ANKRD10: variants seen among roughly 807,000 people sequenced by gnomAD.
ANKRD10 encodes ankyrin repeat domain 10.
Under a neutral mutation model 27.0 loss-of-function variants are expected in ANKRD10, and 14 were observed. That is an observed-to-expected ratio of 0.52 (90% CI 0.34 to 0.81). The LOEUF (loss-of-function observed/expected upper bound fraction) is 0.81. ANKRD10 is among the 40% of genes least tolerant of loss of function. The probability of loss-of-function intolerance (pLI) is 0.01; values close to 1 mark genes in which losing one functional copy is unlikely to be tolerated. For missense variants in ANKRD10, 493 were observed against 544.0 expected (o/e 0.91, Z 0.93); for synonymous variants, 250 against 224.5 (o/e 1.11, Z -1.01).
At chr13:110,911,327 C>T (rs971225928) in intron 1 of ANKRD10, among the ~76,000 whole-genome samples, 6 of 152,052 alleles carry the variant, frequency 3.9e-5, no homozygotes, top group Admixed American at 2.0e-4. Flanking sequence ...TGGCGGGCAC[C>T]TGTAATCCCA....
intron 5 of ANKRD10, chr13:110,883,490 A>C (rs906545703): frequency 1.0e-5 from 13 of 1,297,914 alleles, no homozygotes; most frequent in African/African-American, 1.5e-5. Flanking sequence ...ATTTTTAAAA[A>C]GACACTGGAC....
chr13:110,910,564 T>C (rs2065667035), intron 2 of ANKRD10, 54 bp downstream of exon 2: 2 of 1,603,996 alleles, frequency 1.2e-6, no homozygotes, highest in Non-Finnish European at 1.7e-6. Flanking sequence ...TGTATAATTA[T>C]AACTGCAAAA....
At chr13:110,914,540 G>A in intron 1 of ANKRD10, 185 bp downstream of exon 1, 6 of 811,222 alleles carry the variant, frequency 7.4e-6, no homozygotes, top group Non-Finnish European at 9.8e-6. Flanking sequence ...CGGCTGCCCC[G>A]CCGCGACTCC....
At chr13:110,913,455 G>C (rs2065780566) in intron 1 of ANKRD10, among the ~76,000 whole-genome samples, 1 of 152,222 alleles carries the variant, frequency 6.6e-6, no homozygotes, top group African/African-American at 2.4e-5. Flanking sequence ...TTCAGAGACA[G>C]TGCCACAGGA....
chr13:110,887,563 C>T (rs966728162), intron 4 of ANKRD10, among the ~76,000 whole-genome samples: 1 of 152,200 alleles, frequency 6.6e-6, no homozygotes. Flanking sequence ...TCTATAAAGT[C>T]ATACTTTGGG....
In ANKRD10 at chr13:110,893,166, G is replaced by A; in HGVS notation, c.553C>T (p.Leu185=). ...ATGCCATTGTTATAGAAATGGTTCA[G>A]ATGACAATTCTGGAGGTTCAAGAGA... ...QFLLNLQNCH[L]NHFYNNGILN... The change falls in exon 4 of 6, where the codon CTG becomes TTG. Residue 185 remains leucine, a synonymous_variant. Transcript: ENST00000267339. 1 of 1,614,188 alleles carries A rather than the reference G, an allele frequency of 6.2e-7. No individual in the cohort carries two copies. Among genetic ancestry groups the A allele is most frequent in the Non-Finnish European group, 8.5e-7 (1 of 1,180,020 alleles).
intron 4 of ANKRD10, 42 bp from the exon 5 acceptor site, chr13:110,883,835 A>G: frequency 5.0e-6 from 8 of 1,606,952 alleles, no homozygotes; most frequent in Non-Finnish European, 6.8e-6. Context: ...CTTTGTCTGT[A>G]ACAAGATAAG....
intron 1 of ANKRD10, 83 bp downstream of exon 1, chr13:110,914,624 GCGATCCCGGCACGCCCCA>G (rs1308038641): frequency 3.0e-5 from 43 of 1,427,958 alleles, no homozygotes; most frequent in African/African-American, 1.5e-5. Context: ...CTTCCGCCCC[GCGATCCCGGCACGCCCCA>G]CGTCCCCCGC....
rs977224852 is a variant in ANKRD10 at position 110,910,787 on chromosome 13, G to A, written c.211-17C>T. The A allele has an allele frequency of 8.1e-6, 13 of 1,609,416 alleles. No individual in the cohort carries two copies. The highest frequency in any genetic ancestry group is 6.8e-5 in the Admixed American group (4 of 59,094). On this transcript the variant is annotated splice_polypyrimidine_tract_variant and intron_variant, in intron 1 of 5. Transcript: ENST00000267339. ...GCACTCCAACTTCGAAAACAAGAGG[G>A]GTAATGAAAACACGCAGACATGTCA...
intron 4 of ANKRD10, among the ~76,000 whole-genome samples, chr13:110,889,246 TCAGAG>T (rs548249668): frequency 8.7e-4 from 133 of 152,254 alleles, no homozygotes; most frequent in Non-Finnish European, 1.5e-3. Flanking sequence ...CATCATACCA[TCAGAG>T]CAAATGATTG....
intron 2 of ANKRD10, among the ~76,000 whole-genome samples, chr13:110,906,586 ACAT>A (rs981429139): frequency 6.6e-6 from 1 of 152,174 alleles, no homozygotes; most frequent in Non-Finnish European, 1.5e-5. Flanking sequence ...ACCCGAGTCA[ACAT>A]CATCAATGCC....
chr13:110,913,389 G>C (rs2065777968), intron 1 of ANKRD10, among the ~76,000 whole-genome samples: 1 of 152,192 alleles, frequency 6.6e-6, no homozygotes, highest in Admixed American at 6.5e-5. Flanking sequence ...TGTTTGTTAA[G>C]AAACTCATTT....
In ANKRD10 at chr13:110,906,026, C is replaced by T; in HGVS notation, c.455+7G>A. On this transcript the variant is annotated splice_region_variant and intron_variant, in intron 3 of 5. Transcript: ENST00000267339. ...TTAGCTGGAAAGAATAAACGAAAGACACTTACTCGACGTGAGCCCCATTCG... is the reference window on the plus strand; with the variant it reads ...TTAGCTGGAAAGAATAAACGAAAGATACTTACTCGACGTGAGCCCCATTCG... 1 of 1,585,904 alleles carries T rather than the reference C, an allele frequency of 6.3e-7. No homozygotes were observed. The highest frequency in any genetic ancestry group is 8.6e-7 in the Non-Finnish European group (1 of 1,163,096).
chr13:110,906,163 C>G, intron 2 of ANKRD10, 39 bp from the exon 3 acceptor site: 4 of 1,489,400 alleles, frequency 2.7e-6, no homozygotes, highest in Non-Finnish European at 3.7e-6. Context: ...ATACTTAGAA[C>G]AAAACTTCTG....
At position 110,893,242 on chromosome 13, in the gene ANKRD10, C is replaced by T. The variant is rs958983326; in HGVS notation, c.477G>A (p.Leu159=). The T allele has an allele frequency of 2.5e-6, 4 of 1,614,014 alleles. No individual in the cohort carries two copies. Among genetic ancestry groups the T allele is most frequent in the Non-Finnish European group, 3.4e-6 (4 of 1,179,998 alleles). The change falls in exon 4 of 6, where the codon CTG becomes CTA. Residue 159 remains leucine (L), a synonymous_variant. Transcript: ENST00000267339. The stretch of plus-strand genomic sequence containing the variant: ...GGGTTTGTGCAATGTCTGCTGCTGT[C>T]AGGCCACTGGCATTTCTCAGGCTGT... The part of the protein sequence containing the change: ...AHVDLRNASG[L]TAADIAQTQG...
chr13:110,914,004 CTTAAT>C (rs2065801283), intron 1 of ANKRD10, among the ~76,000 whole-genome samples: 2 of 152,306 alleles, frequency 1.3e-5, no homozygotes, highest in Middle Eastern at 3.4e-3. Context: ...GAGAATTCTG[CTTAAT>C]TTAACCACTT....
intron 3 of ANKRD10, among the ~76,000 whole-genome samples, chr13:110,901,913 T>C (rs1294794876): frequency 6.6e-6 from 1 of 152,072 alleles, no homozygotes; most frequent in Admixed American, 6.6e-5. Flanking sequence ...CATGGTGGTA[T>C]GTGCCTATAG....
At chr13:110,897,734 A>C (rs1000715869) in intron 3 of ANKRD10, among the ~76,000 whole-genome samples, 3 of 152,292 alleles carry the variant, frequency 2.0e-5, no homozygotes, top group Non-Finnish European at 2.9e-5. Flanking sequence ...CTGCTGAATC[A>C]TATGGTAGTT....
chr13:110,897,086 C>T (rs993889425), intron 3 of ANKRD10, among the ~76,000 whole-genome samples: 1 of 151,958 alleles, frequency 6.6e-6, no homozygotes, highest in East Asian at 1.9e-4. Flanking sequence ...GTTAGTCACC[C>T]TACAGTGCAA....
Sources: gnomAD v4.1 joint callset for allele counts (sites outside exome capture counted in the v4.1 genomes callset) on GRCh38, gnomAD v4.1.1 for gene constraint, MANE v1.5 for transcripts, NCBI Gene and HGNC (gene_info 2026-07-23, HGNC 2026-07-21) for gene names.